ZNF638: variants seen among roughly 807,000 people sequenced by gnomAD.
ZNF638 encodes the protein CTCL tumor antigen se33-1.
In ZNF638, 46 loss-of-function variants were observed where a neutral mutation model predicts 195.6. That is an observed-to-expected ratio of 0.24 (90% CI 0.19 to 0.30). The LOEUF (loss-of-function observed/expected upper bound fraction) is 0.30, where lower values mean the gene tolerates loss of function less well. ZNF638 is among the 10% of genes least tolerant of loss of function. The probability of loss-of-function intolerance (pLI) is 1.00; values close to 1 mark genes in which losing one functional copy is unlikely to be tolerated. For synonymous variants in ZNF638, 845 were observed against 772.0 expected, an observed-to-expected ratio of 1.09 and a Z score of -1.57; for missense variants, 2,440 against 2,325.3, an observed-to-expected ratio of 1.05 and a Z score of -1.01.
At chr2:71,358,141 C>G (rs537334695) in intron 3 of ZNF638, among the ~76,000 whole-genome samples, 34 of 152,332 alleles carry the variant, frequency 2.2e-4, no homozygotes, top group Non-Finnish European at 3.2e-4. Flanking sequence ...CTACTGTCTT[C>G]ACACCACCTT....
At chr2:71,364,994 A>G (rs2079171463) in intron 5 of ZNF638, among the ~76,000 whole-genome samples, 1 of 152,184 alleles carries the variant, frequency 6.6e-6, no homozygotes, top group African/African-American at 2.4e-5. Flanking sequence ...CTATAGTGCT[A>G]CACATTTCAC....
At chr2:71,398,947 G>T (rs1291134250) in intron 12 of ZNF638, among the ~76,000 whole-genome samples, 175 bp downstream of exon 12, 1 of 152,028 alleles carries the variant, frequency 6.6e-6, no homozygotes, top group Non-Finnish European at 1.5e-5. Context: ...ATATATTTTT[G>T]TGCATGTAAA....
chr2:71,351,815 A>T (rs543478350), intron 2 of ZNF638, among the ~76,000 whole-genome samples: 13 of 152,274 alleles, frequency 8.5e-5, no homozygotes, highest in African/African-American at 2.9e-4. Context: ...AGACATTTAA[A>T]ACAATTAGAA....
chr2:71,354,735 CA>C (rs70959234), intron 2 of ZNF638, among the ~76,000 whole-genome samples: 123,640 of 138,630 alleles, frequency 0.89, 54,837 homozygotes, highest in Admixed American at 0.92. Flanking sequence ...GAAACTGTCT[CA>C]AAAAAAAAAG....
At chr2:71,367,574 G>C (rs975768972) in intron 6 of ZNF638, among the ~76,000 whole-genome samples, 2 of 151,720 alleles carry the variant, frequency 1.3e-5, no homozygotes, top group African/African-American at 2.4e-5. Context: ...TGAGCAGCTG[G>C]GATTATAGGC....
At chr2:71,336,389 AAAAAAAAAAAAC>A (rs2078670058) in intron 1 of ZNF638, among the ~76,000 whole-genome samples, 3 of 127,142 alleles carry the variant, frequency 2.4e-5, no homozygotes, top group African/African-American at 3.4e-5. Flanking sequence ...AAAAAAAAAA[AAAAAAAAAAAAC>A]CAAAAAAACA....
chr2:71,431,661 G>A (rs1047849478), intron 26 of ZNF638, among the ~76,000 whole-genome samples: 4 of 152,066 alleles, frequency 2.6e-5, no homozygotes, highest in African/African-American at 9.6e-5. Context: ...TCGGGAGGCT[G>A]AGGCAGGAGA....
chr2:71,385,324 G>A (rs1353636235), intron 10 of ZNF638, among the ~76,000 whole-genome samples: 2 of 152,168 alleles, frequency 1.3e-5, no homozygotes, highest in East Asian at 1.9e-4. Context: ...TCATACAAGG[G>A]CCTATACACG....
At chr2:71,427,514 G>A in intron 24 of ZNF638, 100 bp downstream of exon 24, 1 of 861,400 alleles carries the variant, frequency 1.2e-6, no homozygotes, top group South Asian at 2.3e-5. Flanking sequence ...ATGTCACCCA[G>A]TATTGATATT....
intron 13 of ZNF638, 137 bp from the exon 14 acceptor site, chr2:71,399,975 A>G: frequency 3.1e-6 from 2 of 649,868 alleles, no homozygotes; most frequent in Non-Finnish European, 4.9e-6. Flanking sequence ...TTTGTTTTTC[A>G]AAGAGAGATG....
At chr2:71,384,252 T>C (rs2079592466) in intron 10 of ZNF638, among the ~76,000 whole-genome samples, 1 of 152,202 alleles carries the variant, frequency 6.6e-6, no homozygotes, top group Admixed American at 6.5e-5. Context: ...GATAGCCTCC[T>C]GACTGGTATT....
At position 71,403,902 on chromosome 2, in the gene ZNF638, G is replaced by C. The variant is rs746301043; in HGVS notation, c.2862G>C (p.Glu954Asp). 3 of 1,598,512 alleles carry C rather than the reference G, an allele frequency of 1.9e-6. No individual in the cohort carries two copies. The East Asian group carries it at 6.7e-5, about 36-fold the overall frequency. ...AYIEINRKAA[E>D]SMVKFYTCFP... is the part of the protein sequence containing the mutation. ...TAGAAATAAATAGAAAAGCTGCTGA[G>C]TCTATGGTAAAATTTTATACCTGCT... Residue 954 changes from glutamate (E) to aspartate (D), a missense_variant, in exon 17 of 28, where the codon GAG (glutamate) becomes GAC (aspartate). By Grantham distance (45) the Glu-to-Asp change is conservative. Coordinates refer to ENST00000264447, the MANE Select transcript of ZNF638 (RefSeq NM_014497.5).
chr2:71,386,813 A>C (rs1245981191), intron 10 of ZNF638, among the ~76,000 whole-genome samples: 2 of 152,132 alleles, frequency 1.3e-5, no homozygotes, highest in Non-Finnish European at 2.9e-5. Context: ...AAAAAATGGC[A>C]TTCTTGGATA....
At chr2:71,332,748 C>T (rs545879499) in intron 1 of ZNF638, 1 of 152,136 alleles carries the variant, frequency 6.6e-6, no homozygotes, top group Non-Finnish European at 1.5e-5. Context: ...AGGGATACTT[C>T]AGTATTACAA....
At chr2:71,410,991 C>CT (rs1345720927) in intron 20 of ZNF638, among the ~76,000 whole-genome samples, 11 of 45,304 alleles carry the variant, frequency 2.4e-4, no homozygotes, top group Non-Finnish European at 4.0e-4. Context: ...CCTCCCCCCC[C>CT]CTTTTTTTTT....
chr2:71,430,816 A>T (rs2080642680), intron 25 of ZNF638, among the ~76,000 whole-genome samples: 1 of 152,200 alleles, frequency 6.6e-6, no homozygotes. Flanking sequence ...AGAGTCTGCT[A>T]ACATTGAGTG....
At chr2:71,340,410 C>G (rs1164726876) in intron 1 of ZNF638, among the ~76,000 whole-genome samples, 1 of 152,168 alleles carries the variant, frequency 6.6e-6, no homozygotes, top group Non-Finnish European at 1.5e-5. Context: ...GAGAGATCAG[C>G]AGATTGAGTA....
At chr2:71,355,283 C>T (rs968178432) in intron 2 of ZNF638, among the ~76,000 whole-genome samples, 1 of 152,058 alleles carries the variant, frequency 6.6e-6, no homozygotes, top group Non-Finnish European at 1.5e-5. Context: ...ATGTTGTTAG[C>T]GTGAATTTTA....
At chr2:71,386,241 CTG>C (rs1443067561) in intron 10 of ZNF638, among the ~76,000 whole-genome samples, 1 of 139,060 alleles carries the variant, frequency 7.2e-6, no homozygotes, top group African/African-American at 2.7e-5. Flanking sequence ...CTTCAGTGAA[CTG>C]TGATCGTGCT....
Sources: allele counts gnomAD v4.1 joint callset (sites outside exome capture counted in the v4.1 genomes callset), GRCh38; gene constraint gnomAD v4.1.1; transcripts MANE v1.5; gene names NCBI Gene and HGNC (gene_info 2026-07-23, HGNC 2026-07-21).